The following GLDC variants were observed in gnomAD, a reference collection of about 807,000 sequenced individuals.
GLDC encodes the protein glycine decarboxylase, also known as glycine dehydrogenase (decarboxylating), mitochondrial.
GLDC carries 104 observed loss-of-function variants against 121.3 expected under a neutral mutation model. The ratio of observed to expected loss-of-function variants is 0.86; its 90% confidence interval spans 0.73 to 1.01. The LOEUF (loss-of-function observed/expected upper bound fraction) is 1.01, where lower values mean the gene tolerates loss of function less well. Ranked by LOEUF, GLDC falls within the 50% of genes least tolerant of loss-of-function variation. The pLI is 0.00. For synonymous variants in GLDC, 546 were observed against 480.6 expected (o/e 1.14, Z -1.78); for missense variants, 1,429 against 1,306.6 (o/e 1.09, Z -1.44).
At chr9:6,636,411 G>A (rs1819503712) in intron 2 of GLDC, among the ~76,000 whole-genome samples, 1 of 152,206 alleles carries the variant, frequency 6.6e-6, no homozygotes, top group Non-Finnish European at 1.5e-5. Flanking sequence ...CGCTTGTGTG[G>A]AGGCAGTGGG....
chr9:6,545,504 A>C (rs1285708643), intron 21 of GLDC, among the ~76,000 whole-genome samples: 5 of 152,218 alleles, frequency 3.3e-5, no homozygotes, highest in Middle Eastern at 3.2e-3. Context: ...TGAGTCAGTG[A>C]GTGAGTGGTG....
intron 3 of GLDC, among the ~76,000 whole-genome samples, chr9:6,617,136 C>A (rs1439307614): frequency 6.6e-6 from 1 of 152,130 alleles, no homozygotes; most frequent in African/African-American, 2.4e-5. Context: ...TCTATGGAAA[C>A]CATTCAGAAG....
At chr9:6,560,439 C>G (rs1452968384) in intron 16 of GLDC, among the ~76,000 whole-genome samples, 1 of 152,216 alleles carries the variant, frequency 6.6e-6, no homozygotes, top group Admixed American at 6.5e-5. Flanking sequence ...TGGTCTCATA[C>G]TGGTTATGTC....
chr9:6,533,983 T>C (rs960819572), intron 24 of GLDC: 17 of 151,128 alleles, frequency 1.1e-4, no homozygotes, highest in African/African-American at 3.9e-4. Context: ...GAGGCCGGGG[T>C]GGGCGGATCA....
At chr9:6,538,925 C>T (rs1188356298) in intron 22 of GLDC, among the ~76,000 whole-genome samples, 3 of 152,212 alleles carry the variant, frequency 2.0e-5, no homozygotes, top group Non-Finnish European at 4.4e-5. Context: ...AAGCCTTTCT[C>T]TGGCTTTCCC....
chr9:6,556,760 C>T (rs1372141820), intron 17 of GLDC, among the ~76,000 whole-genome samples: 1 of 150,318 alleles, frequency 6.7e-6, no homozygotes, highest in African/African-American at 2.5e-5. Flanking sequence ...CACCACTGCA[C>T]TCCAGCTTGG....
At chr9:6,594,613 T>C (rs1563852181) in intron 9 of GLDC, among the ~76,000 whole-genome samples, 1 of 152,086 alleles carries the variant, frequency 6.6e-6, no homozygotes, top group Non-Finnish European at 1.5e-5. Flanking sequence ...GACAATCACA[T>C]GAATCCGGGA....
At chr9:6,539,118 C>G (rs1225990028) in intron 22 of GLDC, among the ~76,000 whole-genome samples, 2 of 152,092 alleles carry the variant, frequency 1.3e-5, no homozygotes, top group Non-Finnish European at 2.9e-5. Context: ...TGGCAATGTT[C>G]TCCCCAACTT....
At chr9:6,569,619 T>A (rs889548078) in intron 15 of GLDC, among the ~76,000 whole-genome samples, 1 of 152,016 alleles carries the variant, frequency 6.6e-6, no homozygotes, top group African/African-American at 2.4e-5. Context: ...ACCACTGCAC[T>A]CTAGCCTGGG....
rs2129898769 is a variant in GLDC, at chr9:6,605,295, C to A, written c.714-17G>T. On this transcript the variant is annotated splice_polypyrimidine_tract_variant and intron_variant, in intron 5 of 24. Coordinates refer to ENST00000321612, the MANE Select transcript of GLDC (RefSeq NM_000170.3). ...CCAGTATATCTGGAAAGACAGACAA[C>A]AAAGAACAATCGTGCTTTCGGTTTA... 2 of 1,613,074 alleles carry A rather than the reference C, an allele frequency of 1.2e-6. No homozygotes were observed. The highest frequency in any genetic ancestry group is 1.7e-6 in the Non-Finnish European group (2 of 1,179,048).
chr9:6,562,720 C>G (rs570847617), intron 16 of GLDC, among the ~76,000 whole-genome samples: 1 of 152,266 alleles, frequency 6.6e-6, no homozygotes, highest in South Asian at 2.1e-4. Context: ...ACCACCATGC[C>G]TGGCTAATTT....
chr9:6,546,309 C>G (rs921590232), intron 21 of GLDC, among the ~76,000 whole-genome samples: 6 of 151,848 alleles, frequency 4.0e-5, no homozygotes, highest in Non-Finnish European at 5.9e-5. Context: ...CCTCCTGCCT[C>G]AACCTTCCAA....
At chr9:6,550,375 C>G (rs564300347) in intron 21 of GLDC, among the ~76,000 whole-genome samples, 5 of 152,108 alleles carry the variant, frequency 3.3e-5, no homozygotes, top group Non-Finnish European at 5.9e-5. Context: ...GCCTGTAATC[C>G]CAGCACTTTG....
intron 2 of GLDC, among the ~76,000 whole-genome samples, chr9:6,632,423 A>T (rs138965112): frequency 1.3e-5 from 2 of 152,224 alleles, no homozygotes; most frequent in Non-Finnish European, 2.9e-5. Flanking sequence ...GTCAGTTAGT[A>T]TGTTGATGAT....
At chr9:6,634,972 C>T (rs1819471164) in intron 2 of GLDC, among the ~76,000 whole-genome samples, 1 of 152,172 alleles carries the variant, frequency 6.6e-6, no homozygotes, top group Non-Finnish European at 1.5e-5. Flanking sequence ...CTGAGCCCTC[C>T]ATATTGTGGC....
intron 16 of GLDC, among the ~76,000 whole-genome samples, chr9:6,564,040 G>A (rs1401417578): frequency 1.3e-5 from 2 of 152,076 alleles, no homozygotes; most frequent in Admixed American, 6.5e-5. Flanking sequence ...CTGAGGTCAG[G>A]AGTTCGAGAC....
chr9:6,590,136 TA>T (rs1818349039), intron 11 of GLDC, among the ~76,000 whole-genome samples: 1 of 151,866 alleles, frequency 6.6e-6, no homozygotes, highest in Non-Finnish European at 1.5e-5. Flanking sequence ...ACCAAAGGAA[TA>T]AACAATAAAC....
Position 6,536,199 on chromosome 9 carries a change from C to T in GLDC, c.2703G>A (p.Gly901=). 6.2e-7 allele frequency: 1 copy of T among 1,614,088 alleles called. No individual in the cohort carries two copies. The change falls in exon 23 of 25, where the codon GGG becomes GGA. Residue 901 remains glycine, a synonymous_variant. Coordinates refer to ENST00000321612, the MANE Select transcript of GLDC (RefSeq NM_000170.3). Reference sequence around the variant, plus strand: ...ACTCAGTGGGCTCCACCATGAGGGTCCCTGCCACAGGCCAGGACATGGTAG... The same window carrying T: ...ACTCAGTGGGCTCCACCATGAGGGTTCCTGCCACAGGCCAGGACATGGTAG... The part of the protein sequence containing the change: ...HAPTMSWPVA[G]TLMVEPTESE...
At position 6,564,942 on chromosome 9, in the gene GLDC, C is replaced by G. The variant is rs558062699; in HGVS notation, c.1926+412G>C. 1.6e-4 allele frequency among the ~76,000 whole-genome samples: 25 copies of G among 152,322 alleles called. No homozygotes were observed. The South Asian group carries it at 3.3e-3, about 20-fold the overall frequency. On this transcript the variant is annotated intron_variant, in intron 16 of 24. Coordinates refer to ENST00000321612, the MANE Select transcript of GLDC (RefSeq NM_000170.3). The stretch of plus-strand genomic sequence containing the variant: ...AAATATTGTTTGAGCATACTATGAC[C>G]AGAACCGGGCTTCAGCACAACAGGG...
Sources: allele counts gnomAD v4.1 joint callset (sites outside exome capture counted in the v4.1 genomes callset), GRCh38; gene constraint gnomAD v4.1.1; transcripts MANE v1.5; gene names NCBI Gene and HGNC (gene_info 2026-07-23, HGNC 2026-07-21).